The following KYAT3 variants were observed in gnomAD, a reference collection of about 807,000 sequenced individuals.
KYAT3 encodes the protein kynurenine--oxoglutarate transaminase 3.
Under a neutral mutation model 59.0 loss-of-function variants are expected in KYAT3, and 50 were observed. The ratio of observed to expected loss-of-function variants is 0.85; its 90% CI spans 0.68 to 1.07. The LOEUF (loss-of-function observed/expected upper bound fraction) is 1.07. Ranked by LOEUF, KYAT3 falls within the 50% of genes least tolerant of loss-of-function variation. KYAT3 has a pLI of 0.00. For synonymous variants in KYAT3, 148 were observed against 177.0 expected (o/e 0.84, Z 1.30); for missense variants, 497 against 533.3 (o/e 0.93, Z 0.67).
intron 9 of KYAT3, among the ~76,000 whole-genome samples, chr1:88,954,272 T>C (rs1675814523): frequency 6.6e-6 from 1 of 152,210 alleles, no homozygotes; most frequent in Non-Finnish European, 1.5e-5. Flanking sequence ...GGATAAATTA[T>C]TGTAATAAAT....
intron 2 of KYAT3, chr1:88,980,615 A>G (rs114799479): frequency 3.9e-5 from 6 of 152,540 alleles, no homozygotes; most frequent in Non-Finnish European, 7.4e-5. Context: ...CTTTTTCCAC[A>G]CGTCTGCTAG....
At chr1:88,987,673 G>C (rs1677541420) in intron 2 of KYAT3, among the ~76,000 whole-genome samples, 1 of 152,048 alleles carries the variant, frequency 6.6e-6, no homozygotes, top group Non-Finnish European at 1.5e-5. Flanking sequence ...AGTAACTTTA[G>C]AATAAATCTT....
intron 2 of KYAT3, chr1:88,983,950 A>G: frequency 9.3e-7 from 1 of 1,074,142 alleles, no homozygotes. Flanking sequence ...TGAACCGCGA[A>G]GCCGCTAGCA....
At chr1:88,966,177 T>C (rs1676344109) in intron 4 of KYAT3, among the ~76,000 whole-genome samples, 1 of 152,182 alleles carries the variant, frequency 6.6e-6, no homozygotes, top group Non-Finnish European at 1.5e-5. Context: ...GACATGTATA[T>C]ACCTATGTAT....
chr1:88,979,577 C>A (rs897663758), intron 2 of KYAT3: 7 of 152,046 alleles, frequency 4.6e-5, no homozygotes, highest in African/African-American at 1.7e-4. Context: ...ATACAACTGG[C>A]CAAAAAGTAC....
At chr1:88,953,034 C>T in intron 10 of KYAT3, 29 bp downstream of exon 10, 1 of 1,351,692 alleles carries the variant, frequency 7.4e-7, no homozygotes. Context: ...AAAGACAATG[C>T]TTCTACCCTG....
chr1:88,945,460 TCAGAGGC>T, intron 11 of KYAT3, among the ~76,000 whole-genome samples: 1 of 152,290 alleles, frequency 6.6e-6, no homozygotes, highest in East Asian at 1.9e-4. Context: ...ATTACTGGAT[TCAGAGGC>T]CAGCTTTGAT....
At chr1:88,927,429 G>A in the KYAT3 span, among the ~76,000 whole-genome samples, 1 of 152,140 alleles carries the variant, frequency 6.6e-6, no homozygotes, top group Non-Finnish European at 1.5e-5. Flanking sequence ...GAAGGCAAAT[G>A]GAGTGAAGTG....
At chr1:88,963,766 T>C (rs1352204616) in intron 5 of KYAT3, among the ~76,000 whole-genome samples, 1 of 152,240 alleles carries the variant, frequency 6.6e-6, no homozygotes, top group Admixed American at 6.5e-5. Flanking sequence ...ATTTTCTGAA[T>C]AAATGAAAGA....
At position 88,949,090 on chromosome 1, in the gene KYAT3, C is replaced by A; in HGVS notation, c.1141+1G>T. ...TTGAAATAATAAAAGCCTTTACAAA[C>A]CTAGCAAAGACACATCAGCGATGAT... is the stretch of plus-strand genomic sequence containing the variant. On this transcript the variant is annotated splice_donor_variant, in intron 11 of 13. Coordinates refer to ENST00000260508, the MANE Select transcript of KYAT3 (RefSeq NM_001008661.3). LOFTEE classifies it high-confidence loss of function. The A allele has an allele frequency of 6.5e-7, 1 of 1,543,454 alleles. No individual in the cohort carries two copies. The highest frequency in any genetic ancestry group is 1.3e-5 in the South Asian group (1 of 79,498).
At chr1:88,932,743 G>T (rs373876730), downstream of KYAT3, among the ~76,000 whole-genome samples, 4 of 152,058 alleles carry the variant, frequency 2.6e-5, no homozygotes, top group African/African-American at 9.7e-5. Flanking sequence ...TGATCCTCTT[G>T]TCTCAGCATC....
rs1157953207 is a variant in KYAT3 at position 88,992,586 on chromosome 1, T to TATCC, written c.-7_-4dup. ...GCGCCGCGCGCCCGCCCCACTCACC[T>TATCC]ATCCGGTGCGGGAACCTCGCCTCCC... On this transcript the variant is annotated splice_region_variant and 5_prime_UTR_variant, in exon 1 of 14. It adds an upstream start codon to the 5' untranslated region. Coordinates refer to ENST00000260508, the MANE Select transcript of KYAT3 (RefSeq NM_001008661.3). 6.6e-6 allele frequency: 1 copy of TATCC among 152,650 alleles called. No homozygotes were observed. The highest frequency in any genetic ancestry group is 1.5e-5 in the Non-Finnish European group (1 of 68,368). The allele number at this position is 152,650 out of a possible 1,614,324, so 9.5% of individuals were successfully genotyped here.
intron 2 of KYAT3, chr1:88,983,566 T>C (rs1295506433): frequency 6.2e-7 from 1 of 1,614,218 alleles, no homozygotes. Context: ...TTTCAAATGA[T>C]GGTTTGGTGG....
intron 2 of KYAT3, chr1:88,983,973 C>T (rs1049643632): frequency 2.9e-6 from 2 of 681,994 alleles, no homozygotes; most frequent in Admixed American, 2.9e-5. Context: ...ACTGCGCAAT[C>T]TGGATGCTTT....
chr1:88,963,680 G>A (rs1183293150), intron 5 of KYAT3, among the ~76,000 whole-genome samples: 7 of 152,090 alleles, frequency 4.6e-5, no homozygotes, highest in African/African-American at 1.7e-4. Context: ...TACTAGACAG[G>A]GAACACCTTC....
intron 11 of KYAT3, among the ~76,000 whole-genome samples, chr1:88,948,224 C>G (rs1675526030): frequency 6.6e-6 from 1 of 152,178 alleles, no homozygotes; most frequent in African/African-American, 2.4e-5. Flanking sequence ...CTCTTTCCAG[C>G]TTTATACAAT....
intron 11 of KYAT3, among the ~76,000 whole-genome samples, chr1:88,945,409 T>C (rs955875349): frequency 8.5e-5 from 13 of 152,210 alleles, no homozygotes; most frequent in African/African-American, 3.1e-4. Context: ...ATTATTTCAC[T>C]AGAAAAACTG....
chr1:88,934,297 T>C (rs1674969986), downstream of KYAT3, among the ~76,000 whole-genome samples: 1 of 151,892 alleles, frequency 6.6e-6, no homozygotes, highest in Non-Finnish European at 1.5e-5. Flanking sequence ...CTACTAAAAA[T>C]ACAAAAATTA....
intron 13 of KYAT3, 23 bp from the exon 14 acceptor site, chr1:88,936,268 T>A (rs200905070): frequency 4.6e-6 from 7 of 1,511,580 alleles, no homozygotes; most frequent in Non-Finnish European, 5.5e-6. Context: ...GAAATAATCA[T>A]CATTATTACA....
Sources: gnomAD v4.1 joint callset for allele counts (sites outside exome capture counted in the v4.1 genomes callset) on GRCh38, gnomAD v4.1.1 for gene constraint, MANE v1.5 for transcripts, NCBI Gene and HGNC (gene_info 2026-07-23, HGNC 2026-07-21) for gene names.